Variants in CTSW observed in about 807,000 individuals in gnomAD.
The protein encoded by CTSW is lymphopain.
In CTSW, 42 loss-of-function variants were observed where a neutral mutation model predicts 43.8. That is an observed-to-expected ratio of 0.96 (90% confidence interval 0.75 to 1.24). The LOEUF is 1.24. CTSW is among the 50% of genes most tolerant of loss of function. The pLI is 0.00. For synonymous variants in CTSW, 191 were observed against 184.8 expected (o/e 1.03, Z -0.27); for missense variants, 475 against 479.9 (o/e 0.99, Z 0.09).
chr11:65,882,055 C>T, intron 3 of CTSW, 120 bp from the exon 4 acceptor site: 2 of 1,255,274 alleles, frequency 1.6e-6, no homozygotes, highest in South Asian at 2.8e-5. Context: ...GCCACCACGC[C>T]CGGCCTATCC....
At position 65,883,246 on chromosome 11, in the gene CTSW, C is replaced by T; in HGVS notation, c.842C>T (p.Pro281Leu). The change falls in exon 9 of 10, where the codon CCC (proline) becomes CTC (leucine). Residue 281 changes from proline (P) to leucine (L), a missense_variant. Transcript: ENST00000307886. Reference protein sequence around the residue: ...LYRKGVIKATPTTCDPQLVDH... With the variant: ...LYRKGVIKATLTTCDPQLVDH... ...CGGAAAGGTGTGATCAAGGCCACAC[C>T]CACCACCTGTGACCCCCAGCTTGTG... is the stretch of plus-strand genomic sequence containing the variant. 6.2e-7 allele frequency: 1 copy of T among 1,613,850 alleles called. No homozygotes were observed. Among genetic ancestry groups the T allele is most frequent in the African/African-American group, 1.3e-5 (1 of 74,972 alleles).
At chr11:65,881,573 G>A in intron 3 of CTSW, 53 bp downstream of exon 3, 9 of 1,272,362 alleles carry the variant, frequency 7.1e-6, no homozygotes, top group Non-Finnish European at 8.9e-6. Context: ...GATCTCCCCA[G>A]GGACACTGGC....
At chr11:65,880,311 A>G in intron 2 of CTSW, 25 bp downstream of exon 2, 1 of 1,559,354 alleles carries the variant, frequency 6.4e-7, no homozygotes, top group Non-Finnish European at 8.7e-7. Context: ...ATACATCTCC[A>G]GTCCAAGCCC....
chr11:65,883,019 G>A (rs1220670974), intron 7 of CTSW, 50 bp from the exon 8 acceptor site: 12 of 1,613,060 alleles, frequency 7.4e-6, no homozygotes, highest in Middle Eastern at 1.6e-4. Context: ...GAAGGAGCGA[G>A]AGACCCACAC....
In CTSW at chr11:65,881,509, G is replaced by A. The variant is rs1208318979; in HGVS notation, c.275G>A (p.Ser92Asn). 1.9e-6 allele frequency: 3 copies of A among 1,606,260 alleles called. No homozygotes were observed. Among genetic ancestry groups the A allele is most frequent in the Non-Finnish European group, 2.6e-6 (3 of 1,175,524 alleles). The change falls in exon 3 of 10, where the codon AGT (serine) becomes AAT (asparagine). Residue 92 changes from serine (S) to asparagine (N), a missense_variant. Transcript: ENST00000307886. ...GCTGAGTTTGGGGTGACTCCATTCA[G>A]TGACCTCACAGGTACCATTAACCCT... ...GTAEFGVTPFSDLTEEEFGQL... is the reference protein window; with the variant it reads ...GTAEFGVTPFNDLTEEEFGQL...
intron 2 of CTSW, 163 bp downstream of exon 2, chr11:65,880,449 T>G (rs565940693): frequency 5.6e-4 from 291 of 523,686 alleles, no homozygotes; most frequent in African/African-American, 4.7e-3. Flanking sequence ...AGCCTCTGAG[T>G]AGCTGGGATT....
At position 65,880,058 on chromosome 11, in the gene CTSW, T is replaced by C. The variant is rs1436791835; in HGVS notation, c.87+117T>C. 5 of 1,196,352 alleles carry C rather than the reference T, an allele frequency of 4.2e-6. No homozygotes were observed. In the African/African-American group the frequency reaches 4.5e-5, roughly 11 times the overall value. The allele number at this position is 1,196,352 out of a possible 1,614,324, so 74.1% of individuals were successfully genotyped here. A position where few individuals can be genotyped will look rare whatever the true frequency, so the allele number is the denominator to read the frequency against. ...GAGTTGCTGAGGCTGGAGAGGGGGC[T>C]GACGTGCCCAAGGGCACATGGGAAG... On this transcript the variant is annotated intron_variant, in intron 1 of 9. Coordinates refer to ENST00000307886, the MANE Select transcript of CTSW (RefSeq NM_001335.4).
rs1860118600 is a variant in CTSW at position 65,882,330 on chromosome 11, G to A, written c.441+1G>A. On this transcript the variant is annotated splice_donor_variant, in intron 4 of 9. Transcript: ENST00000307886. LOFTEE classifies it high-confidence loss of function. ...CGCCATCTCACCCATCAAGGACCAG[G>A]TATCTGCCGCTACCCAGCTGGCTCT... 5 of 1,614,148 alleles carry A rather than the reference G, an allele frequency of 3.1e-6. No individual in the cohort carries two copies. The highest frequency in any genetic ancestry group is 2.5e-6 in the Non-Finnish European group (3 of 1,180,016).
rs1440665767 is a variant in CTSW at position 65,883,232 on chromosome 11, G to C, written c.828G>C (p.Val276=). 1.9e-6 allele frequency: 3 copies of C among 1,613,694 alleles called. No individual in the cohort carries two copies. The East Asian group carries it at 6.7e-5, about 36-fold the overall frequency. ...CCCTGCAGCTATACCGGAAAGGTGT[G>C]ATCAAGGCCACACCCACCACCTGTG... ...MKPLQLYRKG[V]IKATPTTCDP... Residue 276 remains valine (V), a synonymous_variant, in exon 9 of 10, where the codon GTG becomes GTC. Transcript: ENST00000307886.
At chr11:65,882,556 A>G in intron 5 of CTSW, 30 bp downstream of exon 5, 1 of 1,614,060 alleles carries the variant, frequency 6.2e-7, no homozygotes, top group African/African-American at 1.3e-5. Context: ...CGCGTGTGAC[A>G]GGGGAGGGAG....
In CTSW at chr11:65,882,627, G is replaced by A. The variant is rs140611694; in HGVS notation, c.557G>A (p.Arg186His). ...GCACCAGAACTGCTGGACTGTGGCCGCTGTGGGGATGGCTGCCACGGTGGC... is the reference window on the plus strand; with the variant it reads ...GCACCAGAACTGCTGGACTGTGGCCACTGTGGGGATGGCTGCCACGGTGGC... ...VSVQELLDCG[R>H]CGDGCHGGFV... Residue 186 changes from arginine (R) to histidine (H), a missense_variant, in exon 6 of 10, where the codon CGC (arginine) becomes CAC (histidine). Physicochemically the swap from Arg to His is conservative, Grantham distance 29 (BLOSUM62 0). Coordinates refer to ENST00000307886, the MANE Select transcript of CTSW (RefSeq NM_001335.4). 53 of 1,614,094 alleles carry A rather than the reference G, an allele frequency of 3.3e-5. No homozygotes were observed. The African/African-American group carries it at 3.7e-4, about 11-fold the overall frequency.
intron 3 of CTSW, among the ~76,000 whole-genome samples, chr11:65,881,842 T>A (rs1336380624): frequency 1.3e-5 from 2 of 152,136 alleles, no homozygotes; most frequent in Non-Finnish European, 2.9e-5. Flanking sequence ...AGTACAATAG[T>A]GCAATCACAG....
chr11:65,882,095 G>T, intron 3 of CTSW, 80 bp from the exon 4 acceptor site: 1 of 1,541,788 alleles, frequency 6.5e-7, no homozygotes, highest in East Asian at 2.3e-5. Flanking sequence ...GGAATTATGG[G>T]ACCAACAGCT....
intron 7 of CTSW, 46 bp from the exon 8 acceptor site, chr11:65,883,023 C>A (rs373873854): frequency 1.2e-6 from 2 of 1,613,060 alleles, no homozygotes; most frequent in African/African-American, 1.3e-5. Flanking sequence ...GAGCGAGAGA[C>A]CCACACACCC....
Position 65,879,926 on chromosome 11 carries a change from C to A in CTSW, c.72C>A (p.Gly24=). The A allele has an allele frequency of 6.2e-7, 1 of 1,613,034 alleles. No homozygotes were observed. Among genetic ancestry groups the A allele is most frequent in the Non-Finnish European group, 8.5e-7 (1 of 1,179,544 alleles). ...CAGGCCTAGCCCAAGGCATCAGAGGCCCCCTTAGGGCCCAGGTAAGTGCTC... is the reference window on the plus strand; with the variant it reads ...CAGGCCTAGCCCAAGGCATCAGAGGACCCCTTAGGGCCCAGGTAAGTGCTC... ...LVAGLAQGIR[G]PLRAQDLGPQ... is the part of the protein sequence containing the mutation. Residue 24 remains glycine, a synonymous_variant, in exon 1 of 10, where the codon GGC becomes GGA. Coordinates refer to ENST00000307886, the MANE Select transcript of CTSW (RefSeq NM_001335.4).
At position 65,879,837 on chromosome 11, in the gene CTSW, A is replaced by C. The variant is rs751526301; in HGVS notation, c.-18A>C. On this transcript the variant is annotated 5_prime_UTR_variant, in exon 1 of 10. Coordinates refer to ENST00000307886, the MANE Select transcript of CTSW (RefSeq NM_001335.4). ...CTGCGCGGCTTCCTGCCTCCATGCC[A>C]CTCCAGACTGCACCGGCATGGCACT... 3 of 1,610,506 alleles carry C rather than the reference A, an allele frequency of 1.9e-6. No individual in the cohort carries two copies. The highest frequency in any genetic ancestry group is 1.3e-5 in the African/African-American group (1 of 74,648).
In CTSW at chr11:65,883,318, AGGGGATAT is replaced by A; in HGVS notation, c.918_925del (p.Ile307ArgfsTer102). On this transcript the variant is annotated frameshift_variant, in exon 9 of 10. Coordinates refer to ENST00000307886, the MANE Select transcript of CTSW (RefSeq NM_001335.4). LOFTEE classifies it high-confidence loss of function. Reference sequence around the variant, plus strand: ...GGTTTTGGCAGCGTCAAGTCAGAGGAGGGGATATGGGCAGAGACAGTCTCATCGCAGTC... The same window carrying A: ...GGTTTTGGCAGCGTCAAGTCAGAGGAGGGCAGAGACAGTCTCATCGCAGTC... 1 of 1,614,008 alleles carries A rather than the reference AGGGGATAT, an allele frequency of 6.2e-7. No individual in the cohort carries two copies. Among genetic ancestry groups the A allele is most frequent in the Non-Finnish European group, 8.5e-7 (1 of 1,179,994 alleles).
chr11:65,883,119 A>T lies in CTSW; in HGVS notation c.796A>T (p.Met266Leu). Residue 266 changes from methionine to leucine, a missense_variant, in exon 8 of 10, where the codon ATG becomes TTG. Met to Leu is a conservative substitution (Grantham distance 15). Coordinates refer to ENST00000307886, the MANE Select transcript of CTSW (RefSeq NM_001335.4). ...TGGCCCCATCACCGTGACCATCAACATGAAGCCCCTTCAGGTGAGATGGGG... is the reference window on the plus strand; with the variant it reads ...TGGCCCCATCACCGTGACCATCAACTTGAAGCCCCTTCAGGTGAGATGGGG... ...TYGPITVTIN[M>L]KPLQLYRKGV... 1 of 1,614,094 alleles carries T rather than the reference A, an allele frequency of 6.2e-7. No individual in the cohort carries two copies. The highest frequency in any genetic ancestry group is 8.5e-7 in the Non-Finnish European group (1 of 1,180,010).
Position 65,883,143 on chromosome 11 carries a change from G to T in CTSW, c.810+10G>T, listed in dbSNP as rs1228314291. Reference sequence around the variant, plus strand: ...CATGAAGCCCCTTCAGGTGAGATGGGGGAGCTGATGGGGAAGGGGCATACA... The same window carrying T: ...CATGAAGCCCCTTCAGGTGAGATGGTGGAGCTGATGGGGAAGGGGCATACA... On this transcript the variant is annotated intron_variant, in intron 8 of 9. Coordinates refer to ENST00000307886, the MANE Select transcript of CTSW (RefSeq NM_001335.4). 1 of 1,614,024 alleles carries T rather than the reference G, an allele frequency of 6.2e-7. No individual in the cohort carries two copies. The highest frequency in any genetic ancestry group is 1.7e-5 in the Admixed American group (1 of 60,028).
Sources: allele counts gnomAD v4.1 joint callset (sites outside exome capture counted in the v4.1 genomes callset), GRCh38; gene constraint gnomAD v4.1.1; transcripts MANE v1.5; gene names NCBI Gene and HGNC (gene_info 2026-07-23, HGNC 2026-07-21).